The following MAGI2 variants were observed in gnomAD, a reference collection of about 807,000 sequenced individuals.
MAGI2 encodes membrane associated guanylate kinase, WW and PDZ domain containing 2, also known as membrane-associated guanylate kinase, WW and PDZ domain-containing protein 2.
In MAGI2, 35 loss-of-function variants were observed where a neutral mutation model predicts 133.3. The ratio of observed to expected loss-of-function variants is 0.26; its 90% CI spans 0.20 to 0.35. The LOEUF is 0.35. MAGI2 is among the 10% of genes least tolerant of loss of function. The pLI, the probability that MAGI2 is intolerant of heterozygous loss-of-function variation, is 1.00. For missense variants in MAGI2, 1,636 were observed against 1,863.4 expected, an observed-to-expected ratio of 0.88 and a Z score of 2.25; for synonymous variants, 729 against 710.6, an observed-to-expected ratio of 1.03 and a Z score of -0.41.
intron 16 of MAGI2, among the ~76,000 whole-genome samples, chr7:78,155,944 G>A (rs1297437549): frequency 6.6e-6 from 1 of 152,198 alleles, no homozygotes; most frequent in Non-Finnish European, 1.5e-5. Context: ...TGGCAAAGTT[G>A]TTGTCTTGGC....
intron 1 of MAGI2, among the ~76,000 whole-genome samples, chr7:79,177,840 A>G (rs1826240957): frequency 6.6e-6 from 1 of 152,032 alleles, no homozygotes; most frequent in Admixed American, 6.6e-5. Context: ...ACAAATTGCT[A>G]TCTTAAGGCA....
At chr7:79,234,395 A>T (rs948810113) in intron 1 of MAGI2, among the ~76,000 whole-genome samples, 3 of 151,974 alleles carry the variant, frequency 2.0e-5, no homozygotes, top group African/African-American at 7.3e-5. Flanking sequence ...AGTGTTTTCC[A>T]ACTTGGTTCC....
rs1260392669 is a variant in MAGI2, at chr7:78,424,638, G to A, written c.1046-55425C>T. Among the ~76,000 whole-genome samples, 6 of 152,188 alleles carry A rather than the reference G, an allele frequency of 3.9e-5. No homozygotes were observed. In the East Asian group the frequency reaches 1.2e-3, roughly 29 times the overall value. On this transcript the variant is annotated intron_variant, in intron 6 of 21. Coordinates refer to ENST00000354212, the MANE Select transcript of MAGI2 (RefSeq NM_012301.4). ...GAGGCTGTACCCTGCAAAGCCATAG[G>A]GGTGGAGCTGCCCAAGACCGTGGGA...
chr7:79,265,439 T>A (rs775261597), intron 1 of MAGI2, among the ~76,000 whole-genome samples: 1 of 152,126 alleles, frequency 6.6e-6, no homozygotes, highest in Non-Finnish European at 1.5e-5. Context: ...CCAAAGCAAA[T>A]CATTATTAAT....
intron 1 of MAGI2, among the ~76,000 whole-genome samples, chr7:79,226,437 T>C (rs2129553823): frequency 6.6e-6 from 1 of 152,274 alleles, no homozygotes; most frequent in East Asian, 1.9e-4. Flanking sequence ...TCTTCCCTTT[T>C]TATACTGATC....
At chr7:79,080,412 C>T (rs1465524358) in intron 1 of MAGI2, among the ~76,000 whole-genome samples, 3 of 152,044 alleles carry the variant, frequency 2.0e-5, no homozygotes, top group Non-Finnish European at 2.9e-5. Flanking sequence ...AGCTGCTTAA[C>T]GACCAGGTAA....
intron 1 of MAGI2, among the ~76,000 whole-genome samples, chr7:79,077,574 C>CAAAAAAAAAAAAA (rs769770373): frequency 1.1e-3 from 25 of 23,762 alleles, no homozygotes; most frequent in African/African-American, 1.8e-3. Flanking sequence ...GACTGCCTCT[C>CAAAAAAAAAAAAA]AAAAAAAAAA....
At chr7:78,723,536 G>GA (rs1280397800) in intron 2 of MAGI2, among the ~76,000 whole-genome samples, 1 of 152,098 alleles carries the variant, frequency 6.6e-6, no homozygotes, top group Non-Finnish European at 1.5e-5. Context: ...GGTATTTCTA[G>GA]AAAAATAGGT....
At chr7:79,250,667 G>T (rs1364080257) in intron 1 of MAGI2, among the ~76,000 whole-genome samples, 1 of 152,032 alleles carries the variant, frequency 6.6e-6, no homozygotes, top group Admixed American at 6.6e-5. Flanking sequence ...TTGTTAAAAT[G>T]TTCAAGACAA....
intron 10 of MAGI2, among the ~76,000 whole-genome samples, chr7:78,239,346 C>A (rs995957277): frequency 6.6e-6 from 1 of 152,136 alleles, no homozygotes; most frequent in Non-Finnish European, 1.5e-5. Context: ...TGACATTGGT[C>A]TGGGCAGTGA....
intron 6 of MAGI2, among the ~76,000 whole-genome samples, chr7:78,453,838 T>C (rs979093883): frequency 6.6e-6 from 1 of 152,132 alleles, no homozygotes. Flanking sequence ...AACATGACAT[T>C]TGTTGAAATA....
chr7:79,221,693 A>G (rs971856319), intron 1 of MAGI2, among the ~76,000 whole-genome samples: 3 of 152,002 alleles, frequency 2.0e-5, no homozygotes, highest in South Asian at 4.1e-4. Context: ...AGAAGTTTCA[A>G]TGTGTCATTG....
At chr7:78,428,253 G>A (rs1287011659) in intron 6 of MAGI2, among the ~76,000 whole-genome samples, 2 of 152,100 alleles carry the variant, frequency 1.3e-5, no homozygotes, top group African/African-American at 4.8e-5. Context: ...GTGGGAGCAG[G>A]TTCTGGTACT....
At chr7:79,429,259 C>T (rs930419026) in intron 1 of MAGI2, among the ~76,000 whole-genome samples, 1 of 151,638 alleles carries the variant, frequency 6.6e-6, no homozygotes, top group African/African-American at 2.4e-5. Flanking sequence ...AACTATAAAC[C>T]TTATTGACAA....
chr7:78,252,481 T>G (rs935755399), intron 10 of MAGI2: 9 of 128,788 alleles, frequency 7.0e-5, no homozygotes, highest in Admixed American at 4.4e-4. Context: ...AAAAAAAAAA[T>G]GAAGTTAGGC....
intron 2 of MAGI2, among the ~76,000 whole-genome samples, chr7:78,910,829 G>C (rs928626956): frequency 6.6e-6 from 1 of 152,112 alleles, no homozygotes; most frequent in South Asian, 2.1e-4. Context: ...GTAAAATCTT[G>C]ACTTGAATGT....
intron 9 of MAGI2, among the ~76,000 whole-genome samples, chr7:78,266,046 G>GA (rs1793969815): frequency 6.6e-6 from 1 of 152,208 alleles, no homozygotes; most frequent in Admixed American, 6.5e-5. Context: ...ATAACAAGGA[G>GA]AGAGAGTGAG....
chr7:79,148,816 T>A (rs1822894790), intron 1 of MAGI2, among the ~76,000 whole-genome samples: 2 of 149,992 alleles, frequency 1.3e-5, no homozygotes, highest in African/African-American at 4.9e-5. Flanking sequence ...TTGGTGGTTA[T>A]CCATATATAT....
intron 14 of MAGI2, among the ~76,000 whole-genome samples, chr7:78,171,586 G>C (rs902100356): frequency 6.6e-6 from 1 of 152,156 alleles, no homozygotes; most frequent in Non-Finnish European, 1.5e-5. Flanking sequence ...CACTGATCAC[G>C]TCCCAAGTTG....
Sources: gnomAD v4.1 joint callset for allele counts (sites outside exome capture counted in the v4.1 genomes callset) on GRCh38, gnomAD v4.1.1 for gene constraint, MANE v1.5 for transcripts, NCBI Gene and HGNC (gene_info 2026-07-23, HGNC 2026-07-21) for gene names.